DOCK1: variants seen among roughly 807,000 people sequenced by gnomAD.
The protein encoded by DOCK1 is dedicator of cytokinesis 1, also known as dedicator of cytokinesis protein 1.
A neutral mutation model predicts 262.7 loss-of-function variants in DOCK1; 138 were observed. The observed-to-expected ratio is 0.53, with a 90% CI of 0.46 to 0.61. DOCK1 has a LOEUF of 0.61. Ranked by LOEUF, DOCK1 falls within the 20% of genes least tolerant of loss-of-function variation. DOCK1 has a pLI of 0.00. For missense variants in DOCK1, 1,908 were observed against 2,370.7 expected, an observed-to-expected ratio of 0.80 and a Z score of 4.05; for synonymous variants, 866 against 867.4, an observed-to-expected ratio of 1.00 and a Z score of 0.03.
chr10:127,392,210 G>A (rs2066520388), intron 38 of DOCK1, among the ~76,000 whole-genome samples: 2 of 149,950 alleles, frequency 1.3e-5, no homozygotes, highest in African/African-American at 2.5e-5. Context: ...GGAGTTCACC[G>A]GCGAATCTTG....
At chr10:127,229,184 A>G (rs1255456271) in intron 27 of DOCK1, among the ~76,000 whole-genome samples, 1 of 152,198 alleles carries the variant, frequency 6.6e-6, no homozygotes, top group Non-Finnish European at 1.5e-5. Flanking sequence ...AGATCGCATC[A>G]CTGCACTCCA....
At chr10:126,936,181 A>G (rs973990575) in intron 1 of DOCK1, among the ~76,000 whole-genome samples, 12 of 152,138 alleles carry the variant, frequency 7.9e-5, no homozygotes, top group Non-Finnish European at 1.6e-4. Flanking sequence ...GGGTTTTGCT[A>G]TGTTGCCCAG....
chr10:127,405,816 T>C (rs1202146498), intron 40 of DOCK1, among the ~76,000 whole-genome samples: 2 of 152,110 alleles, frequency 1.3e-5, no homozygotes, highest in Non-Finnish European at 2.9e-5. Flanking sequence ...TCACTCCTGG[T>C]CACTGCTGGT....
At chr10:127,404,208 T>A in intron 39 of DOCK1, 117 bp from the exon 40 acceptor site, 4 of 694,962 alleles carry the variant, frequency 5.8e-6, no homozygotes, top group Non-Finnish European at 7.3e-6. Flanking sequence ...TCTCCCACCA[T>A]CTCCCCCTCC....
At position 127,012,160 on chromosome 10, in the gene DOCK1, C is replaced by T. The variant is rs1247489339; in HGVS notation, c.1059-72C>T. The T allele has an allele frequency of 6.3e-6, 5 of 787,996 alleles. No homozygotes were observed. The highest frequency in any genetic ancestry group is 1.7e-5 in the African/African-American group (1 of 58,954). The allele number at this position is 787,996 out of a possible 1,614,324, so 48.8% of individuals were successfully genotyped here. A position where few individuals can be genotyped will look rare whatever the true frequency, so the allele number is the denominator to read the frequency against. ...TCGGTGACGATGATCTCTTATGTTC[C>T]CTTGTTACCGTGGCCCATGGGTCTC... On this transcript the variant is annotated intron_variant, in intron 11 of 51. Transcript: ENST00000623213. This position sits in a 1 kb window ranked among gnomAD's most constrained non-coding sequence, Gnocchi z 4.0.
At chr10:127,033,582 C>G (rs1174234117) in intron 18 of DOCK1, among the ~76,000 whole-genome samples, 1 of 152,160 alleles carries the variant, frequency 6.6e-6, no homozygotes, top group Non-Finnish European at 1.5e-5. Flanking sequence ...CTCTTAACTG[C>G]CCGATACAGA....
At chr10:127,037,243 T>C (rs2043697832) in intron 18 of DOCK1, among the ~76,000 whole-genome samples, 1 of 152,206 alleles carries the variant, frequency 6.6e-6, no homozygotes, top group Non-Finnish European at 1.5e-5. Flanking sequence ...CTACTGTAGC[T>C]GTGGGGACTC....
chr10:127,006,439 C>T (rs2041028048), intron 10 of DOCK1, among the ~76,000 whole-genome samples: 1 of 152,244 alleles, frequency 6.6e-6, no homozygotes, highest in African/African-American at 2.4e-5. Context: ...TCACCATCCT[C>T]TTCCCTGAAT....
chr10:127,381,958 T>TATGGATGGATGG (rs10541699), intron 37 of DOCK1, among the ~76,000 whole-genome samples: 45 of 150,030 alleles, frequency 3.0e-4, no homozygotes, highest in African/African-American at 1.1e-3. Context: ...TACAGTGACG[T>TATGGATGGATGG]ATGGATGGAT....
At chr10:127,026,271 C>A in intron 15 of DOCK1, 81 bp from the exon 16 acceptor site, 1 of 1,274,632 alleles carries the variant, frequency 7.8e-7, no homozygotes, top group Non-Finnish European at 1.1e-6. Context: ...TACAGTTGTA[C>A]CTGATAGCTC....
At chr10:126,908,376 CTG>C in intron 1 of DOCK1, among the ~76,000 whole-genome samples, 1 of 152,318 alleles carries the variant, frequency 6.6e-6, no homozygotes, top group South Asian at 2.1e-4. Context: ...AACAACAGGG[CTG>C]TGTTTCCCTG....
In DOCK1 at chr10:126,992,597, T is replaced by C. The variant is rs569870787; in HGVS notation, c.473+1994T>C. Among the ~76,000 whole-genome samples the C allele has an allele frequency of 2.8e-4, 42 of 152,300 alleles. 1 individual carries two copies. Among genetic ancestry groups the C allele is most frequent in the African/African-American group, 9.6e-4 (40 of 41,572 alleles). On this transcript the variant is annotated intron_variant, in intron 6 of 51. Transcript: ENST00000623213. ...TTTTTCATTGATCGCTTAGGCATTCTTGCTTTTTTGATTGATTTTTAACCT... is the reference window on the plus strand; with the variant it reads ...TTTTTCATTGATCGCTTAGGCATTCCTGCTTTTTTGATTGATTTTTAACCT...
At chr10:127,220,613 G>C (rs1344747134) in intron 27 of DOCK1, among the ~76,000 whole-genome samples, 1 of 151,992 alleles carries the variant, frequency 6.6e-6, no homozygotes, top group Non-Finnish European at 1.5e-5. Flanking sequence ...AGCTTTGTGG[G>C]GTAGAGCCAA....
At chr10:127,270,788 G>T (rs1454915521) in intron 29 of DOCK1, among the ~76,000 whole-genome samples, 1 of 152,082 alleles carries the variant, frequency 6.6e-6, no homozygotes, top group Non-Finnish European at 1.5e-5. Context: ...TGTTCATGTT[G>T]CTATGCAGCC....
At chr10:127,219,702 T>C (rs1481669730) in intron 27 of DOCK1, among the ~76,000 whole-genome samples, 1 of 152,160 alleles carries the variant, frequency 6.6e-6, no homozygotes, top group Admixed American at 6.5e-5. Flanking sequence ...GTTTGGTTAC[T>C]CTAGGTTATT....
intron 19 of DOCK1, among the ~76,000 whole-genome samples, chr10:127,039,858 G>A (rs1034051709): frequency 6.6e-6 from 1 of 152,210 alleles, no homozygotes; most frequent in African/African-American, 2.4e-5. Context: ...AAGATACGCT[G>A]TCCCATTAGA....
Position 127,032,188 on chromosome 10 carries a change from A to G in DOCK1, c.1780A>G (p.Thr594Ala), listed in dbSNP as rs1384057049. ...DAATYLSLPS[T>A]KAELEEKGHS... Reference sequence around the variant, plus strand: ...TGCCACGTACTTGAGTCTGCCCTCCACGAAGGCAGAGTTGGAAGAAAAGGG... The same window carrying G: ...TGCCACGTACTTGAGTCTGCCCTCCGCGAAGGCAGAGTTGGAAGAAAAGGG... Residue 594 changes from threonine to alanine, a missense_variant, in exon 18 of 52, where the codon ACG (threonine) becomes GCG (alanine). By Grantham distance (58) the Thr-to-Ala change is moderately conservative. Transcript: ENST00000623213. The G allele has an allele frequency of 6.3e-7, 1 of 1,599,202 alleles. No individual in the cohort carries two copies. The highest frequency in any genetic ancestry group is 8.5e-7 in the Non-Finnish European group (1 of 1,172,762).
chr10:127,197,402 G>T (rs2057249367), intron 27 of DOCK1, among the ~76,000 whole-genome samples: 1 of 152,212 alleles, frequency 6.6e-6, no homozygotes, highest in African/African-American at 2.4e-5. Flanking sequence ...AAGAGTATTG[G>T]GTGTTTTGAG....
chr10:127,249,998 G>A (rs375222185), intron 28 of DOCK1, among the ~76,000 whole-genome samples: 35 of 152,218 alleles, frequency 2.3e-4, no homozygotes, highest in African/African-American at 7.7e-4. Flanking sequence ...ATGGCATAGC[G>A]AAATCAAATT....
Sources: allele counts gnomAD v4.1 joint callset (sites outside exome capture counted in the v4.1 genomes callset), GRCh38; gene constraint gnomAD v4.1.1; non-coding constraint Gnocchi (gnomAD v3.1); transcripts MANE v1.5; gene names NCBI Gene and HGNC (gene_info 2026-07-23, HGNC 2026-07-21).